ZNF804A: variants seen among roughly 807,000 people sequenced by gnomAD.
ZNF804A encodes zinc finger protein 804A.
A neutral mutation model predicts 16.5 loss-of-function variants in ZNF804A; 2 were observed. The ratio of observed to expected loss-of-function variants is 0.12; its 90% CI spans 0.05 to 0.38. The LOEUF (loss-of-function observed/expected upper bound fraction) is 0.38. Ranked by LOEUF, ZNF804A falls within the 10% of genes least tolerant of loss-of-function variation. ZNF804A has a pLI of 0.99. For synonymous variants in ZNF804A, 534 were observed against 489.6 expected (o/e 1.09, Z -1.20); for missense variants, 1,473 against 1,390.7 (o/e 1.06, Z -0.94).
At chr2:184,746,404 A>C (rs1693790115) in intron 1 of ZNF804A, among the ~76,000 whole-genome samples, 1 of 151,342 alleles carries the variant, frequency 6.6e-6, no homozygotes, top group Admixed American at 6.6e-5. Context: ...AAAAACAAAC[A>C]AAACAAAAAA....
At chr2:184,701,427 A>T (rs1314358272) in intron 1 of ZNF804A, among the ~76,000 whole-genome samples, 1 of 151,994 alleles carries the variant, frequency 6.6e-6, no homozygotes, top group African/African-American at 2.4e-5. Context: ...ATTTGAATAT[A>T]TACCTTCTTT....
rs897217593 is a variant in ZNF804A, at chr2:184,777,416, C to G, written c.112-88953C>G. On this transcript the variant is annotated intron_variant, in intron 1 of 3. Coordinates refer to ENST00000302277, the MANE Select transcript of ZNF804A (RefSeq NM_194250.2). ...TCCAGATTAGTGACTTTTTTAAACC[C>G]TTTCTGCTGTTTTCCTTCCCTATTG... Among the ~76,000 whole-genome samples, 16 of 151,600 alleles carry G rather than the reference C, an allele frequency of 1.1e-4. No homozygotes were observed. In the South Asian group the frequency reaches 1.7e-3, roughly 16 times the overall value.
intron 1 of ZNF804A, among the ~76,000 whole-genome samples, chr2:184,818,030 A>G (rs1193420438): frequency 6.6e-6 from 1 of 152,146 alleles, no homozygotes; most frequent in East Asian, 1.9e-4. Flanking sequence ...AAGACAGGCC[A>G]TCATTCAAAT....
intron 1 of ZNF804A, among the ~76,000 whole-genome samples, chr2:184,670,867 G>C (rs1213071791): frequency 6.6e-6 from 1 of 151,996 alleles, no homozygotes; most frequent in Non-Finnish European, 1.5e-5. Context: ...GTGTCTATGT[G>C]TGCATTTGCC....
rs1456287110 is a variant in ZNF804A, at chr2:184,938,126, T to A, written c.2730T>A (p.Val910=). 1 of 1,614,122 alleles carries A rather than the reference T, an allele frequency of 6.2e-7. No individual in the cohort carries two copies. The highest frequency in any genetic ancestry group is 8.5e-7 in the Non-Finnish European group (1 of 1,180,012). ...METTSGELSD[V]SNDPTTSVCV... ...CCACTTCTGGTGAATTGTCAGATGT[T>A]TCCAATGATCCCACCACATCTGTCT... is the stretch of plus-strand genomic sequence containing the variant. The change falls in exon 4 of 4, where the codon GTT becomes GTA. Residue 910 remains valine, a synonymous_variant. Transcript: ENST00000302277.
At chr2:184,758,428 A>G (rs1468015799) in intron 1 of ZNF804A, among the ~76,000 whole-genome samples, 1 of 151,918 alleles carries the variant, frequency 6.6e-6, no homozygotes, top group Admixed American at 6.6e-5. Context: ...AATCCTTTCA[A>G]CAATTCTATA....
chr2:184,601,778 A>G (rs951851191), intron 1 of ZNF804A, among the ~76,000 whole-genome samples: 14 of 151,934 alleles, frequency 9.2e-5, no homozygotes, highest in African/African-American at 3.1e-4. Flanking sequence ...GTGCAACTTT[A>G]AACATAAAAT....
chr2:184,826,034 G>GATATTTAT (rs1695162051), intron 1 of ZNF804A, among the ~76,000 whole-genome samples: 1 of 106,168 alleles, frequency 9.4e-6, no homozygotes, highest in Non-Finnish European at 1.9e-5. Flanking sequence ...ACCATGCCAG[G>GATATTTAT]CTATTTATTT....
intron 1 of ZNF804A, among the ~76,000 whole-genome samples, chr2:184,692,881 C>A (rs1692755510): frequency 6.6e-6 from 1 of 151,766 alleles, no homozygotes; most frequent in Non-Finnish European, 1.5e-5. Context: ...TGCCTTCAGA[C>A]AAATAAAAAA....
Position 184,939,013 on chromosome 2 carries a change from A to C in ZNF804A, c.3617A>C (p.Gln1206Pro). ...LSPHPTVIPL[Q>P]PLF Reference sequence around the variant, plus strand: ...CCACACCCTACTGTCATCCCTTTGCAACCTCTCTTCTAGTCATCACCATAA... The same window carrying C: ...CCACACCCTACTGTCATCCCTTTGCCACCTCTCTTCTAGTCATCACCATAA... The change falls in exon 4 of 4, where the codon CAA (glutamine) becomes CCA (proline). Residue 1206 changes from glutamine (Q) to proline (P), a missense_variant. Gln to Pro is a moderately conservative substitution (Grantham distance 76, BLOSUM62 -1). Transcript: ENST00000302277. 1.2e-6 allele frequency: 2 copies of C among 1,613,684 alleles called. No individual in the cohort carries two copies. The highest frequency in any genetic ancestry group is 1.7e-6 in the Non-Finnish European group (2 of 1,179,750).
intron 1 of ZNF804A, among the ~76,000 whole-genome samples, chr2:184,673,220 A>C (rs1029292795): frequency 6.6e-6 from 1 of 152,138 alleles, no homozygotes; most frequent in East Asian, 1.9e-4. Context: ...ATGTTCCTAC[A>C]TTTTTCCAAA....
At chr2:184,656,608 T>A (rs973434069) in intron 1 of ZNF804A, among the ~76,000 whole-genome samples, 3 of 152,082 alleles carry the variant, frequency 2.0e-5, no homozygotes, top group African/African-American at 7.2e-5. Context: ...ATATTTCTCT[T>A]CCTCAGAACA....
chr2:184,927,048 T>A (rs1316052919), intron 2 of ZNF804A, among the ~76,000 whole-genome samples: 1 of 152,234 alleles, frequency 6.6e-6, no homozygotes, highest in Non-Finnish European at 1.5e-5. Context: ...TTTTCCTGGT[T>A]GGTCTTAATA....
At chr2:184,645,589 A>T (rs1691857424) in intron 1 of ZNF804A, among the ~76,000 whole-genome samples, 1 of 152,244 alleles carries the variant, frequency 6.6e-6, no homozygotes, top group Non-Finnish European at 1.5e-5. Flanking sequence ...AGAAAAGCTG[A>T]TAACATTATT....
intron 2 of ZNF804A, among the ~76,000 whole-genome samples, chr2:184,891,221 G>GC (rs908991207): frequency 1.3e-5 from 2 of 152,016 alleles, no homozygotes; most frequent in African/African-American, 4.8e-5. Flanking sequence ...TATTTTTCCT[G>GC]CCCCCTGAAC....
chr2:184,878,907 C>T (rs914074104), intron 2 of ZNF804A, among the ~76,000 whole-genome samples: 1 of 151,856 alleles, frequency 6.6e-6, no homozygotes, highest in African/African-American at 2.4e-5. Flanking sequence ...CAAATTTGAT[C>T]ATGAATAAAG....
intron 1 of ZNF804A, among the ~76,000 whole-genome samples, chr2:184,821,017 A>G (rs1441340127): frequency 2.0e-5 from 3 of 152,124 alleles, no homozygotes; most frequent in African/African-American, 7.2e-5. Context: ...ATTAAATGCT[A>G]TTTGTATTAA....
chr2:184,651,894 G>T (rs1339324621), intron 1 of ZNF804A, among the ~76,000 whole-genome samples: 2 of 152,126 alleles, frequency 1.3e-5, no homozygotes, highest in Admixed American at 6.5e-5. Context: ...GTTTCTCACA[G>T]AAGTTATAAC....
intron 2 of ZNF804A, among the ~76,000 whole-genome samples, chr2:184,923,325 T>G (rs1287156560): frequency 6.6e-6 from 1 of 152,020 alleles, no homozygotes; most frequent in Admixed American, 6.6e-5. Context: ...ATGAAATTAC[T>G]TTCTTAATTT....
Sources: gnomAD v4.1 joint callset for allele counts (sites outside exome capture counted in the v4.1 genomes callset) on GRCh38, gnomAD v4.1.1 for gene constraint, MANE v1.5 for transcripts, NCBI Gene and HGNC (gene_info 2026-07-23, HGNC 2026-07-21) for gene names.